The following PSTPIP2 variants were observed in gnomAD, a reference collection of about 807,000 sequenced individuals.
The protein encoded by PSTPIP2 is proline-serine-threonine phosphatase-interacting protein 2.
In PSTPIP2, 33 loss-of-function variants were observed where a neutral mutation model predicts 63.3. That is an observed-to-expected ratio of 0.52 (90% CI 0.40 to 0.70). PSTPIP2 has a LOEUF of 0.70. PSTPIP2 is among the 30% of genes least tolerant of loss of function. The pLI, the probability that PSTPIP2 is intolerant of heterozygous loss-of-function variation, is 0.00. For missense variants in PSTPIP2, 312 were observed against 400.7 expected (o/e 0.78, Z 1.89); for synonymous variants, 125 against 132.7 (o/e 0.94, Z 0.40).
chr18:46,029,341 T>C (rs761185047), intron 2 of PSTPIP2: 4 of 1,557,484 alleles, frequency 2.6e-6, no homozygotes, highest in African/African-American at 2.7e-5. Context: ...ATTGGAAGCA[T>C]GAAAATTAAT....
At chr18:45,987,054 T>G (rs2055408944) in intron 14 of PSTPIP2, among the ~76,000 whole-genome samples, 1 of 152,178 alleles carries the variant, frequency 6.6e-6, no homozygotes, top group South Asian at 2.1e-4. Flanking sequence ...GGTTTCACCA[T>G]GTTGATTAGG....
intron 14 of PSTPIP2, among the ~76,000 whole-genome samples, chr18:45,985,731 A>G (rs994249156): frequency 6.6e-6 from 1 of 152,198 alleles, no homozygotes; most frequent in African/African-American, 2.4e-5. Context: ...TAGCAGCTAA[A>G]ATCAACAACT....
rs781310557 is a variant in PSTPIP2 at position 45,991,894 on chromosome 18, G to C, written c.920+8C>G. The C allele has an allele frequency of 6.3e-7, 1 of 1,592,296 alleles. No individual in the cohort carries two copies. The highest frequency in any genetic ancestry group is 8.6e-7 in the Non-Finnish European group (1 of 1,161,788). ...TTTTTCTTCATATGAAAGGCAGCTGGTTATTACCTTGCCAAGTTAGGCCCT... is the reference window on the plus strand; with the variant it reads ...TTTTTCTTCATATGAAAGGCAGCTGCTTATTACCTTGCCAAGTTAGGCCCT... On this transcript the variant is annotated splice_region_variant and intron_variant, in intron 12 of 14. Transcript: ENST00000409746.
At position 46,066,883 on chromosome 18, in the gene PSTPIP2, C is replaced by T. The variant is rs371594620; in HGVS notation, c.33+5273G>A. ...TCTACTAAAAATACAAAAAATTAGC[C>T]GGGCGTGGTGGCGCATGCCTGTAAT... On this transcript the variant is annotated intron_variant, in intron 1 of 14. Coordinates refer to ENST00000409746, the MANE Select transcript of PSTPIP2 (RefSeq NM_024430.4). Among the ~76,000 whole-genome samples, 414 of 152,192 alleles carry T rather than the reference C, an allele frequency of 2.7e-3. 10 individuals carry two copies. The South Asian group carries it at 0.041, about 15-fold the overall frequency.
intron 9 of PSTPIP2, among the ~76,000 whole-genome samples, chr18:45,995,625 G>A (rs1424618295): frequency 6.6e-6 from 1 of 152,174 alleles, no homozygotes; most frequent in Non-Finnish European, 1.5e-5. Context: ...AAGGCCCACT[G>A]GCCCTCATGC....
chr18:46,040,917 C>A, intron 1 of PSTPIP2: 1 of 428,952 alleles, frequency 2.3e-6, no homozygotes, highest in Non-Finnish European at 4.7e-6. Context: ...AGGAGCTGGG[C>A]GCCCACTCCA....
chr18:45,988,639 G>A, intron 14 of PSTPIP2, 63 bp downstream of exon 14: 7 of 1,393,796 alleles, frequency 5.0e-6, no homozygotes, highest in South Asian at 2.3e-5. Context: ...AGGTTCAAAG[G>A]CTTCAATAGC....
chr18:46,034,931 AG>A (rs1907911593), intron 2 of PSTPIP2, among the ~76,000 whole-genome samples: 1 of 152,178 alleles, frequency 6.6e-6, no homozygotes, highest in Admixed American at 6.5e-5. Context: ...CTACCCTCTA[AG>A]GTATGATTAA....
At chr18:45,998,866 A>G in intron 7 of PSTPIP2, 27 bp from the exon 8 acceptor site, 1 of 1,613,714 alleles carries the variant, frequency 6.2e-7, no homozygotes. Flanking sequence ...ACAAACAAAA[A>G]AAGAGCAAGC....
At chr18:46,063,178 T>A (rs1909050970) in intron 1 of PSTPIP2, among the ~76,000 whole-genome samples, 1 of 151,920 alleles carries the variant, frequency 6.6e-6, no homozygotes, top group Non-Finnish European at 1.5e-5. Flanking sequence ...AATTTTAAAA[T>A]TTTTTTTGTA....
intron 12 of PSTPIP2, among the ~76,000 whole-genome samples, chr18:45,991,492 A>T (rs1435836993): frequency 1.3e-5 from 2 of 152,192 alleles, no homozygotes; most frequent in East Asian, 3.9e-4. Context: ...AAATTCAAAT[A>T]ATTCTCACAT....
chr18:46,037,746 G>C (rs1490837738), intron 2 of PSTPIP2, among the ~76,000 whole-genome samples: 1 of 152,186 alleles, frequency 6.6e-6, no homozygotes, highest in African/African-American at 2.4e-5. Flanking sequence ...CACACGCTCA[G>C]GGGCTGCATC....
chr18:46,045,096 T>C (rs1908335451), intron 1 of PSTPIP2, among the ~76,000 whole-genome samples: 1 of 152,220 alleles, frequency 6.6e-6, no homozygotes. Context: ...TGGAAGTCAG[T>C]GTGGCGATTC....
intron 9 of PSTPIP2, among the ~76,000 whole-genome samples, chr18:45,995,406 A>G (rs1467599537): frequency 6.6e-6 from 1 of 152,144 alleles, no homozygotes; most frequent in Non-Finnish European, 1.5e-5. Context: ...CCTGGCCTTT[A>G]TGCAGGTTTT....
At position 46,067,081 on chromosome 18, in the gene PSTPIP2, C is replaced by T. The variant is rs149563096; in HGVS notation, c.33+5075G>A. ...CGATTATTTTAAAGCTAGCTCCCTC[C>T]GGCTGCTCTACAAAGAATGTATGGG... On this transcript the variant is annotated intron_variant, in intron 1 of 14. Coordinates refer to ENST00000409746, the MANE Select transcript of PSTPIP2 (RefSeq NM_024430.4). Among the ~76,000 whole-genome samples, 726 of 151,848 alleles carry T rather than the reference C, an allele frequency of 4.8e-3. 4 individuals carry two copies. The highest frequency in any genetic ancestry group is 0.014 in the Middle Eastern group (4 of 290).
intron 2 of PSTPIP2, among the ~76,000 whole-genome samples, chr18:46,032,234 TA>T (rs1170395668): frequency 2.0e-5 from 3 of 152,312 alleles, no homozygotes; most frequent in African/African-American, 7.2e-5. Flanking sequence ...GCTCATAATC[TA>T]GCAGAGGAGA....
In PSTPIP2 at chr18:46,003,902, G is replaced by T. The variant is rs539592570; in HGVS notation, c.417+1567C>A. 3.3e-5 allele frequency among the ~76,000 whole-genome samples: 5 copies of T among 151,684 alleles called. 1 individual carries two copies. Among genetic ancestry groups the T allele is most frequent in the Admixed American group, 3.3e-4 (5 of 15,202 alleles). ...TTCCCAAGTAGCTGGGATTACAGGT[G>T]CACACCACCACACCCAGCTAATTTT... On this transcript the variant is annotated intron_variant, in intron 6 of 14. Coordinates refer to ENST00000409746, the MANE Select transcript of PSTPIP2 (RefSeq NM_024430.4).
intron 7 of PSTPIP2, 49 bp downstream of exon 7, chr18:45,999,387 T>G: frequency 6.4e-7 from 1 of 1,554,032 alleles, no homozygotes; most frequent in Non-Finnish European, 8.9e-7. Context: ...GGCTTTAGCC[T>G]GACATAGGTC....
Position 46,024,642 on chromosome 18 carries a change from G to A in PSTPIP2, c.179C>T (p.Ser60Phe), listed in dbSNP as rs763265781. The A allele has an allele frequency of 2.5e-6, 4 of 1,614,140 alleles. No individual in the cohort carries two copies. In the South Asian group the frequency reaches 4.4e-5, roughly 18 times the overall value. ...ERYGKDLLNL[S>F]RKKPCGQSEI... The stretch of plus-strand genomic sequence containing the variant: ...AGACTGTCCACACGGCTTCTTCCTA[G>A]AGAGGTTGAGCAGATCTTTGCCATA... The change falls in exon 3 of 15, where the codon TCT (serine) becomes TTT (phenylalanine). Residue 60 changes from serine (S) to phenylalanine (F), a missense_variant. Ser to Phe is a radical substitution (Grantham distance 155). Coordinates refer to ENST00000409746, the MANE Select transcript of PSTPIP2 (RefSeq NM_024430.4).
Sources: allele counts gnomAD v4.1 joint callset (sites outside exome capture counted in the v4.1 genomes callset), GRCh38; gene constraint gnomAD v4.1.1; transcripts MANE v1.5; gene names NCBI Gene and HGNC (gene_info 2026-07-23, HGNC 2026-07-21).